FNDC3B: variants seen among roughly 807,000 people sequenced by gnomAD.
FNDC3B encodes the protein fibronectin type III domain containing 3B, also known as fibronectin type III domain-containing protein 3B.
In FNDC3B, 12 loss-of-function variants were observed where a neutral mutation model predicts 151.5. The observed-to-expected ratio is 0.08, with a 90% confidence interval of 0.05 to 0.13. FNDC3B has a LOEUF of 0.13. Among genes scored for constraint, FNDC3B ranks in the 10% least tolerant of loss-of-function variants. FNDC3B has a pLI of 1.00. For synonymous variants in FNDC3B, 528 were observed against 549.0 expected, an observed-to-expected ratio of 0.96 and a Z score of 0.54; for missense variants, 1,214 against 1,505.3, an observed-to-expected ratio of 0.81 and a Z score of 3.20.
intron 6 of FNDC3B, among the ~76,000 whole-genome samples, chr3:172,270,403 G>T (rs958731973): frequency 6.6e-6 from 1 of 152,194 alleles, no homozygotes; most frequent in Non-Finnish European, 1.5e-5. Flanking sequence ...CCCTGCTCCA[G>T]TTCTCTGTGC....
chr3:172,208,107 T>TG (rs11481887), intron 3 of FNDC3B, among the ~76,000 whole-genome samples: 3,326 of 151,776 alleles, frequency 0.022, 127 homozygotes, highest in African/African-American at 0.075. Context: ...ACAGCAGATT[T>TG]GGTGATTAAG....
At position 172,189,436 on chromosome 3, in the gene FNDC3B, A is replaced by G. The variant is rs369459831; in HGVS notation, c.188-37435A>G. Reference sequence around the variant, plus strand: ...ACCTCAACAGGTGATCACCATGGCAACGAGGTAGTCTGTTCTATTTTTGGA... The same window carrying G: ...ACCTCAACAGGTGATCACCATGGCAGCGAGGTAGTCTGTTCTATTTTTGGA... On this transcript the variant is annotated intron_variant, in intron 3 of 25. Coordinates refer to ENST00000415807, the MANE Select transcript of FNDC3B (RefSeq NM_022763.4). 3.9e-5 allele frequency among the ~76,000 whole-genome samples: 6 copies of G among 152,354 alleles called. 1 individual carries two copies. The highest frequency in any genetic ancestry group is 9.6e-5 in the African/African-American group (4 of 41,582).
At chr3:172,384,587 A>C (rs2060316107) in intron 25 of FNDC3B, among the ~76,000 whole-genome samples, 1 of 152,184 alleles carries the variant, frequency 6.6e-6, no homozygotes, top group African/African-American at 2.4e-5. Flanking sequence ...GTATTGTAAA[A>C]ATCTTTTATT....
intron 1 of FNDC3B, among the ~76,000 whole-genome samples, chr3:172,071,653 T>C (rs965023837): frequency 1.3e-5 from 2 of 152,170 alleles, no homozygotes; most frequent in African/African-American, 4.8e-5. Context: ...CTAGTGAATC[T>C]TAGTTTTTCT....
intron 3 of FNDC3B, among the ~76,000 whole-genome samples, chr3:172,167,043 C>T (rs1352455159): frequency 6.6e-6 from 1 of 152,134 alleles, no homozygotes; most frequent in African/African-American, 2.4e-5. Context: ...TAGTGACTAG[C>T]CTATTTTATA....
At chr3:172,270,306 T>C (rs1490651255) in intron 6 of FNDC3B, among the ~76,000 whole-genome samples, 1 of 152,224 alleles carries the variant, frequency 6.6e-6, no homozygotes, top group African/African-American at 2.4e-5. Flanking sequence ...TGGGTGAAGT[T>C]TTTATTAAAA....
intron 1 of FNDC3B, among the ~76,000 whole-genome samples, chr3:172,056,681 G>C (rs1377254582): frequency 6.6e-6 from 1 of 152,218 alleles, no homozygotes; most frequent in Non-Finnish European, 1.5e-5. Context: ...GGAAGTGGTA[G>C]CTGCTGCTGT....
Position 172,330,749 on chromosome 3 carries a change from T to C in FNDC3B, c.1554+34T>C, listed in dbSNP as rs1162212595. 9 of 1,555,786 alleles carry C rather than the reference T, an allele frequency of 5.8e-6. No homozygotes were observed. The South Asian group carries it at 1.0e-4, about 18-fold the overall frequency. On this transcript the variant is annotated intron_variant, in intron 13 of 25. Transcript: ENST00000415807. ...TACAGATTTTATACTTCTCTGTGTT[T>C]TGTACGAGTCAGTATTATTATAGCT...
chr3:172,395,485 G>A (rs1009497428), intron 25 of FNDC3B, among the ~76,000 whole-genome samples: 1 of 152,118 alleles, frequency 6.6e-6, no homozygotes, highest in Non-Finnish European at 1.5e-5. Context: ...TTATGTTAAT[G>A]TTAACAAATA....
chr3:172,061,135 T>A (rs1310839095), intron 1 of FNDC3B, among the ~76,000 whole-genome samples: 1 of 152,208 alleles, frequency 6.6e-6, no homozygotes, highest in African/African-American at 2.4e-5. Context: ...CTGATATTTC[T>A]TTTTGCAGAG....
chr3:172,304,679 C>T (rs541679423), intron 9 of FNDC3B, among the ~76,000 whole-genome samples: 43 of 152,170 alleles, frequency 2.8e-4, no homozygotes, highest in Admixed American at 1.3e-3. Flanking sequence ...GGTGGATCAC[C>T]TGAGGTCAGG....
chr3:172,389,585 TG>T (rs1330568765), intron 25 of FNDC3B, among the ~76,000 whole-genome samples: 1 of 151,866 alleles, frequency 6.6e-6, no homozygotes, highest in East Asian at 1.9e-4. Flanking sequence ...TGTTCACGTG[TG>T]GGGGGGTGGC....
At chr3:172,056,696 T>C (rs1344990965) in intron 1 of FNDC3B, among the ~76,000 whole-genome samples, 1 of 152,254 alleles carries the variant, frequency 6.6e-6, no homozygotes, top group African/African-American at 2.4e-5. Context: ...TGCTGTTTTA[T>C]TATTTTATTG....
chr3:172,223,235 G>A (rs955690222), intron 3 of FNDC3B, among the ~76,000 whole-genome samples: 5 of 152,124 alleles, frequency 3.3e-5, no homozygotes, highest in African/African-American at 7.2e-5. Context: ...ACTTCTTTTC[G>A]TACCACTATG....
chr3:172,047,349 A>G (rs989733805), intron 1 of FNDC3B, among the ~76,000 whole-genome samples: 1 of 152,212 alleles, frequency 6.6e-6, no homozygotes, highest in East Asian at 1.9e-4. Context: ...ATTGTTCTAG[A>G]TGTAGCTAAT....
At chr3:172,380,937 G>A in intron 24 of FNDC3B, 29 bp from the exon 25 acceptor site, 3 of 1,610,140 alleles carry the variant, frequency 1.9e-6, no homozygotes, top group Non-Finnish European at 2.5e-6. Context: ...TTTGAATTTT[G>A]AGCTTGGATG....
Position 172,344,157 on chromosome 3 carries a change from G to A in FNDC3B, c.2149G>A (p.Ala717Thr). Residue 717 changes from alanine to threonine, a missense_variant, in exon 19 of 26, where the codon GCC becomes ACC. By Grantham distance (58) the Ala-to-Thr change is moderately conservative (BLOSUM62 0). Coordinates refer to ENST00000415807, the MANE Select transcript of FNDC3B (RefSeq NM_022763.4). ...SVEMTEPEDV[A>T]SEVYHGPELE... ...GGAGATGACGGAGCCCGAAGACGTA[G>A]CCTCGGAAGTGTACCATGGCCCAGA... 1.9e-6 allele frequency: 3 copies of A among 1,614,166 alleles called. No homozygotes were observed. Among genetic ancestry groups the A allele is most frequent in the South Asian group, 1.1e-5 (1 of 91,086 alleles).
chr3:172,205,926 G>A (rs970966165), intron 3 of FNDC3B, among the ~76,000 whole-genome samples: 1 of 152,106 alleles, frequency 6.6e-6, no homozygotes, highest in Non-Finnish European at 1.5e-5. Flanking sequence ...TTAATTGAGA[G>A]CTTGATTTTA....
intron 3 of FNDC3B, among the ~76,000 whole-genome samples, chr3:172,187,875 C>G (rs1233905030): frequency 2.6e-5 from 4 of 152,142 alleles, no homozygotes; most frequent in Admixed American, 2.0e-4. Context: ...CCACCTTGGC[C>G]CCCCAAAGTC....
Sources: allele counts gnomAD v4.1 joint callset (sites outside exome capture counted in the v4.1 genomes callset), GRCh38; gene constraint gnomAD v4.1.1; transcripts MANE v1.5; gene names NCBI Gene and HGNC (gene_info 2026-07-23, HGNC 2026-07-21).